The following LDHB variants were observed in gnomAD, a reference collection of about 807,000 sequenced individuals.
LDHB encodes lactate dehydrogenase B.
LDHB carries 18 observed loss-of-function variants against 33.4 expected under a neutral mutation model. The ratio of observed to expected loss-of-function variants is 0.54; its 90% confidence interval spans 0.37 to 0.80. LDHB has a LOEUF of 0.80. Among genes scored for constraint, LDHB ranks in the 30% least tolerant of loss-of-function variants. The probability of loss-of-function intolerance (pLI) is 0.00; values close to 1 mark genes in which losing one functional copy is unlikely to be tolerated. For missense variants in LDHB, 345 were observed against 407.9 expected (o/e 0.85, Z 1.33); for synonymous variants, 121 against 140.6 (o/e 0.86, Z 0.98).
intron 2 of LDHB, among the ~76,000 whole-genome samples, chr12:21,650,316 T>C (rs1289265207): frequency 6.6e-6 from 1 of 152,220 alleles, no homozygotes; most frequent in Non-Finnish European, 1.5e-5. Context: ...TATTTGAGCA[T>C]GTTTCTGGCT....
intron 2 of LDHB, among the ~76,000 whole-genome samples, chr12:21,651,668 TA>T (rs1938694615): frequency 6.6e-6 from 1 of 152,216 alleles, no homozygotes; most frequent in Non-Finnish European, 1.5e-5. Flanking sequence ...CAGAAAGGAA[TA>T]AATGAAGTAA....
intron 2 of LDHB, among the ~76,000 whole-genome samples, chr12:21,648,999 C>T (rs1424933543): frequency 6.6e-6 from 1 of 152,176 alleles, no homozygotes; most frequent in African/African-American, 2.4e-5. Context: ...CGTTTTGACA[C>T]CTTTAAGGCT....
chr12:21,636,935 A>T, intron 7 of LDHB, 136 bp downstream of exon 7: 1 of 797,942 alleles, frequency 1.3e-6, no homozygotes, highest in Non-Finnish European at 2.1e-6. Context: ...GGAAAATGAG[A>T]ATAGTTTACA....
At position 21,652,658 on chromosome 12, in the gene LDHB, T is replaced by G. The variant is rs957475516; in HGVS notation, c.129+1885A>C. Reference sequence around the variant, plus strand: ...GGGAGCTGCTATCCTAAATGATAGTTACCTAGTCAATTGAAACTAGCTAGA... The same window carrying G: ...GGGAGCTGCTATCCTAAATGATAGTGACCTAGTCAATTGAAACTAGCTAGA... On this transcript the variant is annotated intron_variant, in intron 2 of 7. Transcript: ENST00000350669. 2.0e-5 allele frequency among the ~76,000 whole-genome samples: 3 copies of G among 151,718 alleles called. No homozygotes were observed. The South Asian group carries it at 6.3e-4, about 32-fold the overall frequency.
At chr12:21,641,128 C>CAAAA (rs1400923135) in intron 5 of LDHB, among the ~76,000 whole-genome samples, 1 of 152,098 alleles carries the variant, frequency 6.6e-6, no homozygotes, top group Non-Finnish European at 1.5e-5. Flanking sequence ...AGGAGTCAGA[C>CAAAA]ATTTTCCTAG....
Position 21,646,395 on chromosome 12 carries a change from C to T in LDHB, c.247+504G>A, listed in dbSNP as rs189687625. The stretch of plus-strand genomic sequence containing the variant: ...GGAATACATAACCATTTTCTACATA[C>T]ACTTCCAATGGGAAAATGTCAATTT... On this transcript the variant is annotated intron_variant, in intron 3 of 7. Transcript: ENST00000350669. 2.0e-5 allele frequency among the ~76,000 whole-genome samples: 3 copies of T among 152,356 alleles called. No individual in the cohort carries two copies. In the East Asian group the frequency reaches 5.8e-4, roughly 29 times the overall value.
At chr12:21,642,516 T>C (rs915349659) in intron 4 of LDHB, among the ~76,000 whole-genome samples, 1 of 152,186 alleles carries the variant, frequency 6.6e-6, no homozygotes, top group Non-Finnish European at 1.5e-5. Context: ...ATTGTCATCA[T>C]AAACCAAGAA....
intron 3 of LDHB, among the ~76,000 whole-genome samples, chr12:21,645,411 AAAAGAGGAAGG>A (rs1182067574): frequency 9.9e-5 from 15 of 152,218 alleles, no homozygotes; most frequent in African/African-American, 3.6e-4. Context: ...GAGGATTAGT[AAAAGAGGAAGG>A]CCTCTTTGCA....
At position 21,648,191 on chromosome 12, in the gene LDHB, T is replaced by A. The variant is rs1438863969; in HGVS notation, c.130-1175A>T. On this transcript the variant is annotated intron_variant, in intron 2 of 7. Transcript: ENST00000350669. ...AGAGTCCTTGCTCTTACTGTTTTTA[T>A]GGCTGTTAGCAAAAATATCAGCTAA... 2.0e-5 allele frequency among the ~76,000 whole-genome samples: 3 copies of A among 152,194 alleles called. No individual in the cohort carries two copies. The East Asian group carries it at 5.8e-4, about 29-fold the overall frequency.
intron 5 of LDHB, among the ~76,000 whole-genome samples, chr12:21,639,367 T>C (rs967739867): frequency 1.3e-5 from 2 of 151,970 alleles, no homozygotes; most frequent in African/African-American, 4.8e-5. Context: ...TCAGAAGACA[T>C]AATTCTAGTG....
chr12:21,637,119 G>A lies in LDHB; in HGVS notation c.789C>T (p.Ser263=), dbSNP rs769551679. 22 of 1,608,242 alleles carry A rather than the reference G, an allele frequency of 1.4e-5. No individual in the cohort carries two copies. In the East Asian group the frequency reaches 4.2e-4, roughly 31 times the overall value. The change falls in exon 7 of 8, where the codon TCC becomes TCT. Residue 263 remains serine (S), a synonymous_variant. Coordinates refer to ENST00000350669, the MANE Select transcript of LDHB (RefSeq NM_002300.8). ...IGLSVADLIE[S]MLKNLSRIHP... ...GAATCCTGGATAGATTTTTCAACAT[G>A]GATTCAATAAGATCAGCCACACTTA...
chr12:21,644,453 A>AAAAAAAAAAACC (rs371337937), intron 3 of LDHB, among the ~76,000 whole-genome samples: 5 of 113,156 alleles, frequency 4.4e-5, no homozygotes, highest in African/African-American at 1.6e-4. Flanking sequence ...AAACAAAAAC[A>AAAAAAAAAAACC]AAAACCAATT....
intron 5 of LDHB, among the ~76,000 whole-genome samples, chr12:21,639,035 G>A (rs1402357808): frequency 6.6e-6 from 1 of 151,880 alleles, no homozygotes; most frequent in Non-Finnish European, 1.5e-5. Flanking sequence ...GTTTCTTGGA[G>A]ACCTTTGGAG....
Position 21,642,095 on chromosome 12 carries a change from A to AGTTTCCAGGTAACAT in LDHB, c.437_451dup (p.Lys150_Leu151insHisValThrTrpLys). On this transcript the variant is annotated inframe_insertion, in exon 5 of 8. Coordinates refer to ENST00000350669, the MANE Select transcript of LDHB (RefSeq NM_002300.8). ...CACGCGGTGTTTGGGTAATCCACTTAGTTTCCAGGTAACATACGTAAGAAT... is the reference window on the plus strand; with the variant it reads ...CACGCGGTGTTTGGGTAATCCACTTAGTTTCCAGGTAACATGTTTCCAGGTAACATACGTAAGAAT... The AGTTTCCAGGTAACAT allele has an allele frequency of 6.2e-7, 1 of 1,613,484 alleles. No individual in the cohort carries two copies. Among genetic ancestry groups the AGTTTCCAGGTAACAT allele is most frequent in the Non-Finnish European group, 8.5e-7 (1 of 1,179,534 alleles).
chr12:21,641,457 A>G (rs1438127909), intron 5 of LDHB, among the ~76,000 whole-genome samples: 1 of 152,198 alleles, frequency 6.6e-6, no homozygotes, highest in Non-Finnish European at 1.5e-5. Flanking sequence ...AGAAACAGAG[A>G]TAGACTGAGA....
chr12:21,641,919 T>C lies in LDHB; in HGVS notation c.595+33A>G, dbSNP rs777194716. On this transcript the variant is annotated intron_variant, in intron 5 of 7. Transcript: ENST00000350669. ...AAAATTCAAAATGGCAAAACCAACA[T>C]CACAAGTAATTATTTCTTTTTTTTT... The C allele has an allele frequency of 3.2e-6, 5 of 1,573,900 alleles. 1 individual carries two copies. The South Asian group carries it at 3.4e-5, about 11-fold the overall frequency.
At chr12:21,653,655 T>C (rs529684707) in intron 2 of LDHB, among the ~76,000 whole-genome samples, 6 of 81,568 alleles carry the variant, frequency 7.4e-5, no homozygotes, top group East Asian at 3.6e-4. Context: ...TATATATATA[T>C]ACACATATAT....
intron 2 of LDHB, among the ~76,000 whole-genome samples, chr12:21,653,155 C>T (rs143502721): frequency 6.6e-6 from 1 of 152,152 alleles, no homozygotes; most frequent in East Asian, 1.9e-4. Flanking sequence ...GTGGTTTGAA[C>T]TACAAAGGAT....
chr12:21,647,092 G>C (rs1368598866), intron 2 of LDHB, 76 bp from the exon 3 acceptor site: 1 of 826,870 alleles, frequency 1.2e-6, no homozygotes, highest in Non-Finnish European at 2.1e-6. Flanking sequence ...CCCAAAGAAA[G>C]ATCTTTAACA....
Sources: gnomAD v4.1 joint callset for allele counts (sites outside exome capture counted in the v4.1 genomes callset) on GRCh38, gnomAD v4.1.1 for gene constraint, MANE v1.5 for transcripts, NCBI Gene and HGNC (gene_info 2026-07-23, HGNC 2026-07-21) for gene names.